PRMT9: variants seen among roughly 807,000 people sequenced by gnomAD.
PRMT9 encodes the protein protein arginine N-methyltransferase 9.
A neutral mutation model predicts 83.2 loss-of-function variants in PRMT9; 59 were observed. The ratio of observed to expected loss-of-function variants is 0.71; its 90% CI spans 0.57 to 0.88. The LOEUF (loss-of-function observed/expected upper bound fraction) is 0.88. Ranked by LOEUF, PRMT9 falls within the 40% of genes least tolerant of loss-of-function variation. PRMT9 has a pLI of 0.00. For synonymous variants in PRMT9, 333 were observed against 353.2 expected (o/e 0.94, Z 0.64); for missense variants, 947 against 1,021.9 (o/e 0.93, Z 1.00).
intron 9 of PRMT9, among the ~76,000 whole-genome samples, chr4:147,653,414 C>A (rs1578892386): frequency 6.6e-6 from 1 of 150,762 alleles, no homozygotes; most frequent in African/African-American, 2.5e-5. Flanking sequence ...TACACTCCAG[C>A]CTGGGCAGCA....
In PRMT9 at chr4:147,668,547, T is replaced by C. The variant is rs1735505094; in HGVS notation, c.945A>G (p.Arg315=). The C allele has an allele frequency of 3.2e-6, 5 of 1,578,074 alleles. No individual in the cohort carries two copies. The highest frequency in any genetic ancestry group is 4.4e-6 in the Non-Finnish European group (5 of 1,148,740). ...GMAVECAEIR[R]HHRVGIKDIA... The stretch of plus-strand genomic sequence containing the variant: ...TGGACTAATACACTTACCTATGATG[T>C]CTTCTTATCTCTGCACATTCTACTG... Residue 315 remains arginine, a synonymous_variant, in exon 6 of 12, where the codon AGA becomes AGG. Coordinates refer to ENST00000322396, the MANE Select transcript of PRMT9 (RefSeq NM_138364.4).
chr4:147,677,122 G>C lies in PRMT9; in HGVS notation c.338+3201C>G, dbSNP rs558335121. ...AGAGAACAATTACTGAACATGTAAA[G>C]GGATCTTTCTATATAAAATAGGACA... is the stretch of plus-strand genomic sequence containing the variant. On this transcript the variant is annotated intron_variant, in intron 2 of 11. Transcript: ENST00000322396. Among the ~76,000 whole-genome samples the C allele has an allele frequency of 2.1e-4, 31 of 151,124 alleles. 1 individual carries two copies. In the South Asian group the frequency reaches 6.3e-3, roughly 31 times the overall value.
At position 147,639,056 on chromosome 4, in the gene PRMT9, T is replaced by C. The variant is rs747929266; in HGVS notation, c.2226A>G (p.Leu742=). The C allele has an allele frequency of 3.1e-6, 5 of 1,613,496 alleles. No homozygotes were observed. Among genetic ancestry groups the C allele is most frequent in the Admixed American group, 1.7e-5 (1 of 60,016 alleles). The change falls in exon 11 of 12, where the codon CTA becomes CTG. Residue 742 remains leucine, a synonymous_variant. Coordinates refer to ENST00000322396, the MANE Select transcript of PRMT9 (RefSeq NM_138364.4). ...FQVPIRVFLD[L]SSLPCIPLSK... ...TTAAAGGTATACAGGGCAATGAGGATAGGTCCAAAAATACACGTATAGGTA... is the reference window on the plus strand; with the variant it reads ...TTAAAGGTATACAGGGCAATGAGGACAGGTCCAAAAATACACGTATAGGTA...
At chr4:147,647,922 C>T (rs1156438478) in intron 9 of PRMT9, among the ~76,000 whole-genome samples, 4 of 152,308 alleles carry the variant, frequency 2.6e-5, no homozygotes, top group African/African-American at 4.8e-5. Flanking sequence ...CCACAATGTC[C>T]TCTTTGAGTT....
chr4:147,669,185 T>A (rs1735568740), intron 5 of PRMT9, among the ~76,000 whole-genome samples: 1 of 151,976 alleles, frequency 6.6e-6, no homozygotes, highest in Non-Finnish European at 1.5e-5. Flanking sequence ...GGCCAGGAGT[T>A]TGAGACCAGC....
Position 147,661,125 on chromosome 4 carries a change from T to C in PRMT9, c.954-87A>G, listed in dbSNP as rs572391024. ...ATCTAATACTGAGTCCAGAAAAAAA[T>C]ACAAAAATGAAATAAAACCTCATGA... is the stretch of plus-strand genomic sequence containing the variant. On this transcript the variant is annotated intron_variant, in intron 6 of 11. Transcript: ENST00000322396. The C allele has an allele frequency of 2.8e-4, 236 of 858,100 alleles. No individual in the cohort carries two copies. The South Asian group carries it at 3.1e-3, about 11-fold the overall frequency. The allele number at this position is 858,100 out of a possible 1,614,324, so 53.2% of individuals were successfully genotyped here.
chr4:147,668,610 C>T lies in PRMT9; in HGVS notation c.882G>A (p.Gly294=). ...KGESANCEKY[G]KVIPASAVIF... is the part of the protein sequence containing the mutation. ...TAACAGCACTTGCTGGTATAACTTT[C>T]CCATACTTTTCACAATTAGCACTTT... is the stretch of plus-strand genomic sequence containing the variant. The change falls in exon 6 of 12, where the codon GGG becomes GGA. Residue 294 remains glycine (G), a synonymous_variant. Transcript: ENST00000322396. The T allele has an allele frequency of 1.2e-6, 2 of 1,612,160 alleles. No individual in the cohort carries two copies. Among genetic ancestry groups the T allele is most frequent in the Non-Finnish European group, 1.7e-6 (2 of 1,178,652 alleles).
chr4:147,675,252 T>G (rs1049596743), intron 2 of PRMT9, among the ~76,000 whole-genome samples: 10 of 152,170 alleles, frequency 6.6e-5, no homozygotes, highest in African/African-American at 2.4e-4. Flanking sequence ...AGTGCTGAGA[T>G]TACAGGCGTG....
intron 6 of PRMT9, among the ~76,000 whole-genome samples, chr4:147,663,646 G>C (rs985902612): frequency 6.6e-6 from 1 of 152,032 alleles, no homozygotes; most frequent in African/African-American, 2.4e-5. Context: ...TATTAAAGGC[G>C]TGAGTCACTG....
At chr4:147,644,419 A>T (rs1343947854) in intron 9 of PRMT9, among the ~76,000 whole-genome samples, 2 of 151,574 alleles carry the variant, frequency 1.3e-5, no homozygotes, top group Non-Finnish European at 2.9e-5. Context: ...GAGGAGAGAG[A>T]GTCAAGGGTT....
At chr4:147,649,063 T>C (rs564339630) in intron 9 of PRMT9, among the ~76,000 whole-genome samples, 1 of 152,228 alleles carries the variant, frequency 6.6e-6, no homozygotes, top group Admixed American at 6.5e-5. Context: ...AAAATAACGT[T>C]GTAACTCAAA....
At chr4:147,683,719 GCTT>G (rs1197811102) in intron 1 of PRMT9, 77 bp downstream of exon 1, 1 of 1,266,424 alleles carries the variant, frequency 7.9e-7, no homozygotes, top group African/African-American at 1.6e-5. Flanking sequence ...TAGCCCCTCC[GCTT>G]TTTTTTTTTT....
At chr4:147,675,270 G>A (rs907429440) in intron 2 of PRMT9, among the ~76,000 whole-genome samples, 10 of 152,210 alleles carry the variant, frequency 6.6e-5, no homozygotes, top group East Asian at 5.8e-4. Context: ...GTGAGCCACC[G>A]TGCCCAGCTA....
chr4:147,664,820 T>G (rs533662475), intron 6 of PRMT9, among the ~76,000 whole-genome samples: 3 of 151,728 alleles, frequency 2.0e-5, no homozygotes, highest in African/African-American at 7.3e-5. Context: ...AAATTAAATT[T>G]TTTAAAAAAA....
chr4:147,683,887 TG>T lies in PRMT9; in HGVS notation c.100del (p.His34ThrfsTer25). On this transcript the variant is annotated frameshift_variant, in exon 1 of 12. Transcript: ENST00000322396. LOFTEE classifies it high-confidence loss of function. ...GCCGAAGTCCTGGACGCCCAGACAG[TG>T]CTCTGCGCTCTGCAAGGACCGCGAC... ...LVSRSLQSAE[H>X]CLGVQDFGTA... The T allele has an allele frequency of 6.2e-7, 1 of 1,613,620 alleles. No individual in the cohort carries two copies. The highest frequency in any genetic ancestry group is 1.3e-5 in the African/African-American group (1 of 75,014).
At chr4:147,677,177 T>C (rs752948249) in intron 2 of PRMT9, among the ~76,000 whole-genome samples, 12 of 152,012 alleles carry the variant, frequency 7.9e-5, no homozygotes, top group Non-Finnish European at 1.2e-4. Flanking sequence ...ACAAGAATTC[T>C]CCCATTATTT....
intron 11 of PRMT9, 103 bp from the exon 12 acceptor site, chr4:147,638,850 A>G (rs1733186518): frequency 1.5e-6 from 2 of 1,360,856 alleles, no homozygotes; most frequent in East Asian, 5.0e-5. Context: ...AATACATTTC[A>G]CTAGATTTAA....
Position 147,653,682 on chromosome 4 carries a change from C to T in PRMT9, c.2045+170G>A, listed in dbSNP as rs536654780. Among the ~76,000 whole-genome samples, 11 of 152,070 alleles carry T rather than the reference C, an allele frequency of 7.2e-5. No homozygotes were observed. The East Asian group carries it at 2.1e-3, about 29-fold the overall frequency. On this transcript the variant is annotated intron_variant, in intron 9 of 11. Coordinates refer to ENST00000322396, the MANE Select transcript of PRMT9 (RefSeq NM_138364.4). ...GAGGACCTCCCACTGGCCAAACCAG[C>T]GATGATTTTAGCAGCAAATGAAGTC... is the stretch of plus-strand genomic sequence containing the variant.
chr4:147,648,288 C>G (rs1733861757), intron 9 of PRMT9, among the ~76,000 whole-genome samples: 1 of 152,140 alleles, frequency 6.6e-6, no homozygotes, highest in Non-Finnish European at 1.5e-5. Flanking sequence ...AGGAGACACA[C>G]TGAAGGTTGA....
Sources: allele counts gnomAD v4.1 joint callset (sites outside exome capture counted in the v4.1 genomes callset), GRCh38; gene constraint gnomAD v4.1.1; transcripts MANE v1.5; gene names NCBI Gene and HGNC (gene_info 2026-07-23, HGNC 2026-07-21).